The following HARBI1 variants were observed in gnomAD, a reference collection of about 807,000 sequenced individuals.
HARBI1 encodes the protein harbinger transposase derived 1.
HARBI1 carries 15 observed loss-of-function variants against 25.3 expected under a neutral mutation model. The ratio of observed to expected loss-of-function variants is 0.59; its 90% CI spans 0.40 to 0.91. The LOEUF (loss-of-function observed/expected upper bound fraction) is 0.91, where lower values mean the gene tolerates loss of function less well. Among genes scored for constraint, HARBI1 ranks in the 40% least tolerant of loss-of-function variants. The pLI is 0.00. For synonymous variants in HARBI1, 168 were observed against 160.5 expected, an observed-to-expected ratio of 1.05 and a Z score of -0.35; for missense variants, 396 against 445.8, an observed-to-expected ratio of 0.89 and a Z score of 1.01.
chr11:46,616,851 A>AAAAC lies in HARBI1; in HGVS notation c.-145+272_-145+273insGTTT, dbSNP rs2045546570. On this transcript the variant is annotated intron_variant, in intron 1 of 2. Coordinates refer to ENST00000326737, the MANE Select transcript of HARBI1 (RefSeq NM_173811.4). Reference sequence around the variant, plus strand: ...AGGGGCAAAAAAAAAAAAAAAAAAAAAAAAAAAAAAACAACCAAAGTCCAC... The same window carrying AAAAC: ...AGGGGCAAAAAAAAAAAAAAAAAAAAAAACAAAAAAAAAAACAACCAAAGTCCAC... 3 of 970,302 alleles carry AAAAC rather than the reference A, an allele frequency of 3.1e-6. No individual in the cohort carries two copies. The African/African-American group carries it at 5.5e-5, about 18-fold the overall frequency. The allele number at this position is 970,302 out of a possible 1,614,324, so 60.1% of individuals were successfully genotyped here.
At position 46,609,075 on chromosome 11, in the gene HARBI1, C is replaced by T. The variant is rs180830109; in HGVS notation, c.671-5166G>A. 2.8e-3 allele frequency among the ~76,000 whole-genome samples: 424 copies of T among 152,074 alleles called. 7 individuals carry two copies. Among genetic ancestry groups the T allele is most frequent in the Non-Finnish European group, 3.1e-3 (210 of 67,994 alleles). ...AGTAGCTGGGATTACAGGCGCCTGCCACCACACCTGGCTAATTTTTATATT... is the reference window on the plus strand; with the variant it reads ...AGTAGCTGGGATTACAGGCGCCTGCTACCACACCTGGCTAATTTTTATATT... On this transcript the variant is annotated intron_variant, in intron 2 of 2. Transcript: ENST00000326737.
rs529843288 is a variant in HARBI1 at position 46,603,568 on chromosome 11, G to A, written c.1012C>T (p.Arg338Cys). 7 of 1,610,406 alleles carry A rather than the reference G, an allele frequency of 4.3e-6. No homozygotes were observed. Among genetic ancestry groups the A allele is most frequent in the African/African-American group, 2.7e-5 (2 of 74,944 alleles). ...GTGAGCATTAGCTCCTGACGAATAC[G>A]GTCAGCCTCTAAGTCCAGGGACTCC... Reference protein sequence around the residue: ...HMESLDLEADRIRQELMLTHF... With the variant: ...HMESLDLEADCIRQELMLTHF... The change falls in exon 3 of 3, where the codon CGT (arginine) becomes TGT (cysteine). Residue 338 changes from arginine (R) to cysteine (C), a missense_variant. Arg to Cys is a radical substitution (Grantham distance 180). Coordinates refer to ENST00000326737, the MANE Select transcript of HARBI1 (RefSeq NM_173811.4).
At chr11:46,610,207 C>G (rs1565348224) in intron 2 of HARBI1, among the ~76,000 whole-genome samples, 1 of 152,026 alleles carries the variant, frequency 6.6e-6, no homozygotes, top group African/African-American at 2.4e-5. Context: ...ATGGTCCCAA[C>G]TACTCGGTAG....
At chr11:46,606,745 C>T (rs1026905079) in intron 2 of HARBI1, among the ~76,000 whole-genome samples, 4 of 152,202 alleles carry the variant, frequency 2.6e-5, no homozygotes, top group African/African-American at 9.6e-5. Flanking sequence ...TGAGCTCAAG[C>T]AATCCTCCCA....
intron 1 of HARBI1, chr11:46,616,658 G>C (rs2045504244): frequency 2.0e-6 from 2 of 1,002,428 alleles, no homozygotes; most frequent in African/African-American, 3.5e-5. Context: ...TTATTCACAA[G>C]GTAAAAGAGG....
chr11:46,603,799 C>G lies in HARBI1; in HGVS notation c.781G>C (p.Glu261Gln). The change falls in exon 3 of 3, where the codon GAG becomes CAG. Residue 261 changes from glutamate (E) to glutamine (Q), a missense_variant. Physicochemically the swap from Glu to Gln is conservative, Grantham distance 29. Transcript: ENST00000326737. The stretch of plus-strand genomic sequence containing the variant: ...GAGCAGAGGGTTCGGAAAGTCTTCT[C>G]AATCACACTGTGAGTTGCAGAATGG... ...MAHSATHSVI[E>Q]KTFRTLCSRF... is the part of the protein sequence containing the mutation. The G allele has an allele frequency of 6.2e-7, 1 of 1,614,170 alleles. No individual in the cohort carries two copies. Among genetic ancestry groups the G allele is most frequent in the Admixed American group, 1.7e-5 (1 of 60,018 alleles).
Position 46,603,236 on chromosome 11 carries a change from AG to A in HARBI1, c.*293del, listed in dbSNP as rs1449058479. The A allele has an allele frequency of 4.7e-6, 1 of 212,526 alleles. No homozygotes were observed. Among genetic ancestry groups the A allele is most frequent in the Admixed American group, 5.6e-5 (1 of 18,000 alleles). The allele number at this position is 212,526 out of a possible 1,614,324, so 13.2% of individuals were successfully genotyped here. ...CTCCTGACCTTTACTATGACTTTGT[AG>A]GCACAGTCATAAATGTTTGCAACCA... is the stretch of plus-strand genomic sequence containing the variant. On this transcript the variant is annotated 3_prime_UTR_variant, in exon 3 of 3. Transcript: ENST00000326737.
At position 46,616,149 on chromosome 11, in the gene HARBI1, A is replaced by C; in HGVS notation, c.89T>G (p.Val30Gly). 6.2e-7 allele frequency: 1 copy of C among 1,614,184 alleles called. No individual in the cohort carries two copies. The highest frequency in any genetic ancestry group is 2.2e-5 in the East Asian group (1 of 44,878). The change falls in exon 2 of 3, where the codon GTG (valine) becomes GGG (glycine). Residue 30 changes from valine (V) to glycine (G), a missense_variant. By Grantham distance (109) the Val-to-Gly change is moderately radical (BLOSUM62 -3). Transcript: ENST00000326737. ...RTLDRFKLDD[V>G]TDEYLMSMYG... is the part of the protein sequence containing the mutation. ...CATGGACATCAAGTATTCATCAGTCACATCATCCAGCTTAAAACGGTCCAA... is the reference window on the plus strand; with the variant it reads ...CATGGACATCAAGTATTCATCAGTCCCATCATCCAGCTTAAAACGGTCCAA...
intron 1 of HARBI1, chr11:46,616,864 A>C (rs1033756944): frequency 2.1e-5 from 20 of 963,198 alleles, no homozygotes; most frequent in Non-Finnish European, 2.2e-5. Context: ...AAAAAAAAAC[A>C]ACCAAAGTCC....
In HARBI1 at chr11:46,603,394, A is replaced by T; in HGVS notation, c.*136T>A. The T allele has an allele frequency of 1.2e-6, 1 of 811,478 alleles. No individual in the cohort carries two copies. The allele number at this position is 811,478 out of a possible 1,614,324, so 50.3% of individuals were successfully genotyped here. On this transcript the variant is annotated 3_prime_UTR_variant, in exon 3 of 3. Coordinates refer to ENST00000326737, the MANE Select transcript of HARBI1 (RefSeq NM_173811.4). ...CTGGCATAGCCCCAACCTTACCAAAACACACATATTAAATGTCAGTTTATG... is the reference window on the plus strand; with the variant it reads ...CTGGCATAGCCCCAACCTTACCAAATCACACATATTAAATGTCAGTTTATG...
chr11:46,606,830 A>G (rs774888340), intron 2 of HARBI1, among the ~76,000 whole-genome samples: 3 of 152,100 alleles, frequency 2.0e-5, no homozygotes, highest in Admixed American at 6.6e-5. Flanking sequence ...TTTTGTAGAG[A>G]CAGGGTCTTG....
intron 1 of HARBI1, chr11:46,616,600 G>A: frequency 9.7e-7 from 1 of 1,027,644 alleles, no homozygotes; most frequent in Non-Finnish European, 1.2e-6. Flanking sequence ...TTTAATGCTT[G>A]GCATTTCAAT....
chr11:46,604,535 A>G, intron 2 of HARBI1: 1 of 985,130 alleles, frequency 1.0e-6, no homozygotes, highest in South Asian at 4.7e-5. Flanking sequence ...TGAAACAGGA[A>G]AAAAGAGAAT....
intron 2 of HARBI1, among the ~76,000 whole-genome samples, chr11:46,609,997 T>C (rs2045111707): frequency 6.6e-6 from 1 of 151,502 alleles, no homozygotes; most frequent in Non-Finnish European, 1.5e-5. Context: ...GGACTACAAG[T>C]GCCCACCACC....
chr11:46,610,692 T>G (rs2045146352), intron 2 of HARBI1, among the ~76,000 whole-genome samples: 1 of 152,150 alleles, frequency 6.6e-6, no homozygotes. Context: ...ATTCGTTAAA[T>G]GTTGCTACAG....
At chr11:46,616,642 A>G (rs1380367877) in intron 1 of HARBI1, 1 of 1,006,106 alleles carries the variant, frequency 9.9e-7, no homozygotes, top group Admixed American at 5.3e-5. Context: ...GGAGGTGATG[A>G]CATAATTATT....
At chr11:46,610,914 CTGA>C (rs953372306) in intron 2 of HARBI1, among the ~76,000 whole-genome samples, 22 of 151,732 alleles carry the variant, frequency 1.4e-4, no homozygotes, top group African/African-American at 5.3e-4. Context: ...GTCCTATGAT[CTGA>C]TTTAAACACT....
intron 2 of HARBI1, among the ~76,000 whole-genome samples, chr11:46,613,814 A>AT (rs1294200542): frequency 6.6e-6 from 1 of 151,168 alleles, no homozygotes; most frequent in South Asian, 2.1e-4. Context: ...GGATTGTTTC[A>AT]TTTATTTGTT....
intron 2 of HARBI1, among the ~76,000 whole-genome samples, chr11:46,611,898 G>GT: frequency 6.6e-6 from 1 of 152,232 alleles, no homozygotes; most frequent in East Asian, 1.9e-4. Flanking sequence ...CAAAAGGTGT[G>GT]TTTAAGATAA....
Sources: allele counts gnomAD v4.1 joint callset (sites outside exome capture counted in the v4.1 genomes callset), GRCh38; gene constraint gnomAD v4.1.1; transcripts MANE v1.5; gene names NCBI Gene and HGNC (gene_info 2026-07-23, HGNC 2026-07-21).